DENND2B: variants seen among roughly 807,000 people sequenced by gnomAD.
DENND2B encodes the protein DENN domain-containing protein 2B.
A neutral mutation model predicts 116.0 loss-of-function variants in DENND2B; 32 were observed. The observed-to-expected ratio is 0.28, with a 90% CI of 0.21 to 0.37. The LOEUF is 0.37. Ranked by LOEUF, DENND2B falls within the 10% of genes least tolerant of loss-of-function variation. DENND2B has a pLI of 1.00. For missense variants in DENND2B, 1,276 were observed against 1,477.7 expected, an observed-to-expected ratio of 0.86 and a Z score of 2.24; for synonymous variants, 588 against 583.9, an observed-to-expected ratio of 1.01 and a Z score of -0.10.
intron 4 of DENND2B, among the ~76,000 whole-genome samples, chr11:8,828,290 C>T (rs982337200): frequency 6.6e-6 from 1 of 152,166 alleles, no homozygotes; most frequent in South Asian, 2.1e-4. Flanking sequence ...AGTGCCTGGA[C>T]ACAGAGCAGT....
At chr11:8,828,619 C>T (rs1463299899) in intron 4 of DENND2B, among the ~76,000 whole-genome samples, 4 of 152,042 alleles carry the variant, frequency 2.6e-5, no homozygotes, top group African/African-American at 9.7e-5. Flanking sequence ...CAGGGCGGAC[C>T]GAGCACTCTT....
intron 1 of DENND2B, among the ~76,000 whole-genome samples, chr11:8,799,723 T>G (rs2098357553): frequency 1.3e-5 from 2 of 151,348 alleles, no homozygotes; most frequent in South Asian, 4.2e-4. Flanking sequence ...GGACTACAGG[T>G]GCCCAAAACC....
chr11:8,892,995 T>C (rs2064053310), intron 1 of DENND2B, among the ~76,000 whole-genome samples: 1 of 152,146 alleles, frequency 6.6e-6, no homozygotes, highest in African/African-American at 2.4e-5. Context: ...GCAAAAATCC[T>C]CAGTAAAATA....
chr11:8,712,773 A>G lies in DENND2B; in HGVS notation c.1988-38T>C, dbSNP rs1305146146. ...TGCACATCAGGGAATGGACCCTCAC[A>G]GGCCTCATGTTAACTCCTCTACCCC... On this transcript the variant is annotated intron_variant, in intron 8 of 19. Coordinates refer to ENST00000313726, the MANE Select transcript of DENND2B (RefSeq NM_213618.2). This position sits in a 1 kb window ranked among gnomAD's most constrained non-coding sequence, Gnocchi z 4.4. 14 of 1,579,554 alleles carry G rather than the reference A, an allele frequency of 8.9e-6. No homozygotes were observed. Among genetic ancestry groups the G allele is most frequent in the Non-Finnish European group, 1.2e-5 (14 of 1,163,570 alleles).
At chr11:8,754,702 G>A (rs1288149084) in intron 1 of DENND2B, among the ~76,000 whole-genome samples, 1 of 152,194 alleles carries the variant, frequency 6.6e-6, no homozygotes, top group Non-Finnish European at 1.5e-5. Flanking sequence ...TAAACAAAAT[G>A]TGGTATATAT....
At chr11:8,824,258 TTG>T (rs1339474371) in intron 4 of DENND2B, among the ~76,000 whole-genome samples, 1 of 151,956 alleles carries the variant, frequency 6.6e-6, no homozygotes, top group Non-Finnish European at 1.5e-5. Flanking sequence ...ACAGGTAGAC[TTG>T]TGTCATGGGG....
Position 8,731,215 on chromosome 11 carries a change from G to A in DENND2B, c.81-6C>T. On this transcript the variant is annotated splice_polypyrimidine_tract_variant and splice_region_variant and intron_variant, in intron 2 of 19. Coordinates refer to ENST00000313726, the MANE Select transcript of DENND2B (RefSeq NM_213618.2). ...GTGGAGAGACTGACTGAGACCTGGG[G>A]GCAAAACAAAACAAAGGAAAAGAAA... The A allele has an allele frequency of 6.7e-7, 1 of 1,482,496 alleles. No homozygotes were observed. Among genetic ancestry groups the A allele is most frequent in the African/African-American group, 1.4e-5 (1 of 71,174 alleles). The allele number at this position is 1,482,496 out of a possible 1,614,324, so 91.8% of individuals were successfully genotyped here.
At position 8,899,761 on chromosome 11, in the gene DENND2B, T is replaced by A. The variant is rs183035219; in HGVS notation, c.-256+11060A>T. On this transcript the variant is annotated intron_variant, in intron 1 of 22. Coordinates refer to the DENND2B transcript ENST00000534127. The stretch of plus-strand genomic sequence containing the variant: ...AGTTACTCAAATCTACAGAGAGGAA[T>A]GTAGAACATCAGAAATAGTAAATAT... Among the ~76,000 whole-genome samples the A allele has an allele frequency of 8.4e-4, 128 of 152,320 alleles. 1 individual carries two copies. Among genetic ancestry groups the A allele is most frequent in the Admixed American group, 3.3e-3 (51 of 15,302 alleles).
At chr11:8,785,348 A>G (rs1365298444) in intron 1 of DENND2B, 2 of 152,222 alleles carry the variant, frequency 1.3e-5, no homozygotes, top group East Asian at 1.9e-4. Context: ...CGAAGAGGAA[A>G]AGTCACCAGA....
chr11:8,733,974 C>A (rs1043235520), intron 2 of DENND2B, among the ~76,000 whole-genome samples: 1 of 152,188 alleles, frequency 6.6e-6, no homozygotes, highest in Admixed American at 6.5e-5. Flanking sequence ...TCACGTGCTA[C>A]CCTTGCCCCA....
chr11:8,799,561 CTTT>C (rs67190732), intron 1 of DENND2B, among the ~76,000 whole-genome samples: 23 of 114,030 alleles, frequency 2.0e-4, no homozygotes, highest in Non-Finnish European at 2.6e-4. Context: ...TCCTTTTTCT[CTTT>C]TTTTTTTTTT....
intron 14 of DENND2B, chr11:8,699,833 G>A (rs187134568): frequency 6.6e-6 from 3 of 456,810 alleles, no homozygotes; most frequent in South Asian, 1.5e-5. Context: ...CATCAGCAAC[G>A]GATCATGAGC....
At chr11:8,838,429 C>T (rs1195563627) in intron 4 of DENND2B, among the ~76,000 whole-genome samples, 1 of 152,222 alleles carries the variant, frequency 6.6e-6, no homozygotes, top group Admixed American at 6.5e-5. Flanking sequence ...ACCACAACAC[C>T]TCCGTTATAG....
At chr11:8,757,067 T>C (rs1437542918) in intron 1 of DENND2B, 2 of 456,176 alleles carry the variant, frequency 4.4e-6, no homozygotes, top group Admixed American at 2.3e-5. Context: ...TTCTACAAAC[T>C]GCATCCAGAC....
chr11:8,881,643 C>T (rs1055362756), intron 1 of DENND2B, among the ~76,000 whole-genome samples: 16 of 152,192 alleles, frequency 1.1e-4, no homozygotes, highest in Non-Finnish European at 1.6e-4. Context: ...TCAAGTGATT[C>T]TTGTGCCTCA....
At chr11:8,734,791 CAA>C (rs11339783) in intron 2 of DENND2B, among the ~76,000 whole-genome samples, 3,055 of 98,484 alleles carry the variant, frequency 0.031, 119 homozygotes, top group African/African-American at 0.12. Context: ...ACAAGAGTCT[CAA>C]AAAAAAAAAA....
At chr11:8,751,913 T>A (rs1247799406) in intron 1 of DENND2B, among the ~76,000 whole-genome samples, 4 of 152,200 alleles carry the variant, frequency 2.6e-5, no homozygotes, top group Non-Finnish European at 4.4e-5. Context: ...GACTTCCTTT[T>A]CTTAAAAAGA....
At chr11:8,889,420 G>A (rs1039756371) in intron 1 of DENND2B, among the ~76,000 whole-genome samples, 11 of 152,182 alleles carry the variant, frequency 7.2e-5, no homozygotes, top group African/African-American at 2.7e-4. Context: ...GCAGCCCAAT[G>A]AACATGAGCC....
intron 2 of DENND2B, among the ~76,000 whole-genome samples, chr11:8,878,647 C>T (rs2063870446): frequency 6.6e-6 from 1 of 152,166 alleles, no homozygotes. Context: ...TCCCAAAGTG[C>T]TGGGATTACA....
Sources: gnomAD v4.1 joint callset for allele counts (sites outside exome capture counted in the v4.1 genomes callset) on GRCh38, gnomAD v4.1.1 for gene constraint, Gnocchi (gnomAD v3.1) non-coding constraint, MANE v1.5 for transcripts, NCBI Gene and HGNC (gene_info 2026-07-23, HGNC 2026-07-21) for gene names.